The following SGPP2 variants were observed in gnomAD, a reference collection of about 807,000 sequenced individuals.
The protein encoded by SGPP2 is sphingosine-1-phosphate phosphatase 2.
SGPP2 carries 30 observed loss-of-function variants against 33.9 expected under a neutral mutation model. The ratio of observed to expected loss-of-function variants is 0.89; its 90% CI spans 0.66 to 1.20. SGPP2 has a LOEUF of 1.20. SGPP2 is among the 50% of genes most tolerant of loss of function. The pLI, the probability that SGPP2 is intolerant of heterozygous loss-of-function variation, is 0.00. For missense variants in SGPP2, 458 were observed against 532.1 expected (o/e 0.86, Z 1.37); for synonymous variants, 233 against 225.0 (o/e 1.04, Z -0.32).
In SGPP2 at chr2:222,550,479, T is replaced by G. The variant is rs1689273963; in HGVS notation, c.649-7868T>G. Among the ~76,000 whole-genome samples the G allele has an allele frequency of 6.6e-6, 1 of 152,216 alleles. No homozygotes were observed. Among genetic ancestry groups the G allele is most frequent in the East Asian group, 1.9e-4 (1 of 5,206 alleles). On this transcript the variant is annotated intron_variant, in intron 4 of 4. Coordinates refer to ENST00000321276, the MANE Select transcript of SGPP2 (RefSeq NM_152386.4). The surrounding 1 kb of genome is among the most constrained non-coding windows in gnomAD (Gnocchi z 4.5). ...GAGAATAAATTACTCTTAACATTTT[T>G]ATTTCCTTCTGACATTTTATCCATG...
intron 1 of SGPP2, among the ~76,000 whole-genome samples, chr2:222,426,737 A>C (rs923977670): frequency 1.3e-5 from 2 of 152,210 alleles, no homozygotes; most frequent in African/African-American, 4.8e-5. Context: ...AGGTTAATTA[A>C]TGTTTTTACA....
At chr2:222,464,122 C>A (rs942028161) in intron 1 of SGPP2, among the ~76,000 whole-genome samples, 1 of 152,212 alleles carries the variant, frequency 6.6e-6, no homozygotes, top group Non-Finnish European at 1.5e-5. Context: ...TCCCTCCGCA[C>A]ATACAAGGGC....
At chr2:222,457,728 A>ATGTTCCC (rs1697593297) in intron 1 of SGPP2, among the ~76,000 whole-genome samples, 1 of 152,188 alleles carries the variant, frequency 6.6e-6, no homozygotes, top group Non-Finnish European at 1.5e-5. Context: ...GTCTGGGTCT[A>ATGTTCCC]TGTTCCCGCA....
chr2:222,455,892 AC>A (rs778510555), intron 1 of SGPP2, among the ~76,000 whole-genome samples: 7 of 152,022 alleles, frequency 4.6e-5, no homozygotes, highest in Admixed American at 6.6e-5. Context: ...ACAGAGTGAG[AC>A]CCTGTTTCTA....
chr2:222,546,389 A>G (rs1006033336), intron 4 of SGPP2, among the ~76,000 whole-genome samples: 2 of 152,126 alleles, frequency 1.3e-5, no homozygotes, highest in African/African-American at 2.4e-5. Context: ...GCTCTCTTGA[A>G]ACATACTTAA....
At chr2:222,425,279 T>C (rs1697046830) in intron 1 of SGPP2, among the ~76,000 whole-genome samples, 1 of 149,704 alleles carries the variant, frequency 6.7e-6, no homozygotes, top group South Asian at 2.1e-4. Context: ...AGCGCGCTCC[T>C]CACCGCGCTG....
chr2:222,491,275 C>T (rs1197300673), intron 2 of SGPP2, among the ~76,000 whole-genome samples: 1 of 152,196 alleles, frequency 6.6e-6, no homozygotes, highest in African/African-American at 2.4e-5. Context: ...GCTGGGACTA[C>T]AGATAGCTAC....
intron 1 of SGPP2, among the ~76,000 whole-genome samples, chr2:222,461,973 T>C (rs562822405): frequency 6.6e-6 from 1 of 152,200 alleles, no homozygotes; most frequent in African/African-American, 2.4e-5. Flanking sequence ...CTGTGTGAAA[T>C]GGGTTAGGGG....
rs1314280548 is a variant in SGPP2, at chr2:222,559,582, C to G, written c.*684C>G. ...GCTCAAGCAATCCTCCTGCCTGAGC[C>G]AACTGAGTAGCTGGGACTGTAAGCA... On this transcript the variant is annotated 3_prime_UTR_variant, in exon 5 of 5. Transcript: ENST00000321276. 1 of 152,564 alleles carries G rather than the reference C, an allele frequency of 6.6e-6. No individual in the cohort carries two copies. Among genetic ancestry groups the G allele is most frequent in the Non-Finnish European group, 1.5e-5 (1 of 68,402 alleles). 9.5% of individuals were successfully genotyped at this position (152,564 alleles called of 1,614,324 possible). A position where few individuals can be genotyped will look rare whatever the true frequency, so the allele number is the denominator to read the frequency against.
chr2:222,509,713 C>T (rs972547874), intron 2 of SGPP2, among the ~76,000 whole-genome samples: 1 of 152,206 alleles, frequency 6.6e-6, no homozygotes, highest in African/African-American at 2.4e-5. Context: ...AGAAAAGGTA[C>T]ACCAGGACTT....
intron 2 of SGPP2, among the ~76,000 whole-genome samples, chr2:222,512,461 C>T (rs1698544220): frequency 6.6e-6 from 1 of 152,148 alleles, no homozygotes; most frequent in Non-Finnish European, 1.5e-5. Flanking sequence ...TGGTACAATC[C>T]ATGGCCCTAC....
At chr2:222,442,711 T>TTTC (rs1386918784) in intron 1 of SGPP2, among the ~76,000 whole-genome samples, 3 of 152,232 alleles carry the variant, frequency 2.0e-5, no homozygotes, top group African/African-American at 7.2e-5. Context: ...CAAAATGTAG[T>TTTC]TTCTTTTTGC....
In SGPP2 at chr2:222,562,222, AC is replaced by A. The variant is rs1405418768; in HGVS notation, c.*3329del. ...CCTTTTTCCTAATTGTCCACATTCCACCCCCAACCCACTGCCACTGTGGGCC... is the reference window on the plus strand; with the variant it reads ...CCTTTTTCCTAATTGTCCACATTCCACCCCAACCCACTGCCACTGTGGGCC... On this transcript the variant is annotated 3_prime_UTR_variant, in exon 5 of 5. Transcript: ENST00000321276. 6.6e-6 allele frequency among the ~76,000 whole-genome samples: 1 copy of A among 151,956 alleles called. No homozygotes were observed. The highest frequency in any genetic ancestry group is 1.5e-5 in the Non-Finnish European group (1 of 67,990).
intron 2 of SGPP2, among the ~76,000 whole-genome samples, chr2:222,508,638 A>C (rs1372436727): frequency 6.6e-6 from 1 of 152,204 alleles, no homozygotes; most frequent in African/African-American, 2.4e-5. Flanking sequence ...TTGTACCTTT[A>C]GTGTTTGTCT....
In SGPP2 at chr2:222,559,337, C is replaced by T. The variant is rs550865164; in HGVS notation, c.*439C>T. The T allele has an allele frequency of 7.3e-4, 123 of 168,118 alleles. No individual in the cohort carries two copies. Among genetic ancestry groups the T allele is most frequent in the Middle Eastern group, 3.2e-3 (1 of 316 alleles). 10.4% of individuals were successfully genotyped at this position (168,118 alleles called of 1,614,324 possible). A position where few individuals can be genotyped will look rare whatever the true frequency, so the allele number is the denominator to read the frequency against. On this transcript the variant is annotated 3_prime_UTR_variant, in exon 5 of 5. Transcript: ENST00000321276. Reference sequence around the variant, plus strand: ...GGCTGGAGGTAGAGCCTTTCTTTTCCGTTACAACCTTGCCTAGCATGGAGT... The same window carrying T: ...GGCTGGAGGTAGAGCCTTTCTTTTCTGTTACAACCTTGCCTAGCATGGAGT...
intron 1 of SGPP2, among the ~76,000 whole-genome samples, chr2:222,449,614 C>G (rs1226004545): frequency 6.6e-6 from 1 of 152,086 alleles, no homozygotes; most frequent in African/African-American, 2.4e-5. Flanking sequence ...GGACTATAGG[C>G]ACCTGCCACC....
At chr2:222,516,213 T>C (rs1255573585) in intron 2 of SGPP2, among the ~76,000 whole-genome samples, 2 of 152,258 alleles carry the variant, frequency 1.3e-5, no homozygotes, top group African/African-American at 4.8e-5. Context: ...TCTGTCATTA[T>C]AAAGTAGTTT....
chr2:222,448,353 T>C (rs982167716), intron 1 of SGPP2, among the ~76,000 whole-genome samples: 3 of 152,226 alleles, frequency 2.0e-5, no homozygotes, highest in South Asian at 2.1e-4. Flanking sequence ...CCATGAGCCA[T>C]GTGGGACATA....
rs746758796 is a variant in SGPP2 at position 222,521,856 on chromosome 2, G to T, written c.468G>T (p.Leu156=). 6.2e-7 allele frequency: 1 copy of T among 1,611,184 alleles called. No homozygotes were observed. The highest frequency in any genetic ancestry group is 1.1e-5 in the South Asian group (1 of 90,282). Reference sequence around the variant, plus strand: ...CAGTTGTAAAACTGGAAAAGAGACTGATCGCTGAATATGGAATGCCATCCA... The same window carrying T: ...CAGTTGTAAAACTGGAAAAGAGACTTATCGCTGAATATGGAATGCCATCCA... ...SPPVVKLEKR[L]IAEYGMPSTH... The change falls in exon 3 of 5, where the codon CTG becomes CTT. Residue 156 remains leucine (L), a synonymous_variant. Coordinates refer to ENST00000321276, the MANE Select transcript of SGPP2 (RefSeq NM_152386.4).
Sources: gnomAD v4.1 joint callset for allele counts (sites outside exome capture counted in the v4.1 genomes callset) on GRCh38, gnomAD v4.1.1 for gene constraint, Gnocchi (gnomAD v3.1) non-coding constraint, MANE v1.5 for transcripts, NCBI Gene and HGNC (gene_info 2026-07-23, HGNC 2026-07-21) for gene names.